Variants in PDE5A observed in about 807,000 individuals in gnomAD.
The protein encoded by PDE5A is phosphodiesterase 5A, also known as cGMP-specific 3',5'-cyclic phosphodiesterase.
PDE5A carries 67 observed loss-of-function variants against 110.2 expected under a neutral mutation model. That is an observed-to-expected ratio of 0.61 (90% CI 0.50 to 0.75). PDE5A has a LOEUF of 0.75. Among genes scored for constraint, PDE5A ranks in the 30% least tolerant of loss-of-function variants. The pLI, the probability that PDE5A is intolerant of heterozygous loss-of-function variation, is 0.00. For synonymous variants in PDE5A, 328 were observed against 351.2 expected (o/e 0.93, Z 0.74); for missense variants, 862 against 1,045.1 (o/e 0.82, Z 2.42).
chr4:119,574,139 C>G (rs1435905686), intron 3 of PDE5A, among the ~76,000 whole-genome samples: 1 of 149,974 alleles, frequency 6.7e-6, no homozygotes, highest in African/African-American at 2.5e-5. Context: ...TACTACTCCC[C>G]ACAGGAAAAA....
At chr4:119,620,519 C>T (rs1209291224) in intron 1 of PDE5A, among the ~76,000 whole-genome samples, 3 of 152,144 alleles carry the variant, frequency 2.0e-5, no homozygotes, top group African/African-American at 7.2e-5. Flanking sequence ...AATCTATGCA[C>T]TAAACATGTA....
intron 2 of PDE5A, among the ~76,000 whole-genome samples, chr4:119,599,712 T>TACACACACAC (rs3056797): frequency 0.014 from 2,098 of 147,298 alleles, 25 homozygotes; most frequent in Middle Eastern, 0.038. Context: ...CAAGTGTGTA[T>TACACACACAC]ACACACACAC....
chr4:119,514,970 A>AT, intron 14 of PDE5A, among the ~76,000 whole-genome samples: 1 of 152,296 alleles, frequency 6.6e-6, no homozygotes, highest in African/African-American at 2.4e-5. Context: ...GAAGCTAGGC[A>AT]TCTGGCTCAA....
At chr4:119,542,842 T>C (rs768642558) in intron 9 of PDE5A, among the ~76,000 whole-genome samples, 4 of 152,096 alleles carry the variant, frequency 2.6e-5, no homozygotes, top group Non-Finnish European at 4.4e-5. Context: ...AAAATGTACA[T>C]TGCTGGCGTT....
Position 119,628,774 on chromosome 4 carries a change from T to C in PDE5A, c.-103A>G. 1 of 1,492,732 alleles carries C rather than the reference T, an allele frequency of 6.7e-7. No homozygotes were observed. The highest frequency in any genetic ancestry group is 9.1e-7 in the Non-Finnish European group (1 of 1,103,682). 92.5% of individuals were successfully genotyped at this position (1,492,732 alleles called of 1,614,324 possible). A position where few individuals can be genotyped will look rare whatever the true frequency, so the allele number is the denominator to read the frequency against. ...GACTCGGCCTCGAGACCCTCCCCCTTCGTCCTGCTCCAGTCGGGCCGGCTT... is the reference window on the plus strand; with the variant it reads ...GACTCGGCCTCGAGACCCTCCCCCTCCGTCCTGCTCCAGTCGGGCCGGCTT... On this transcript the variant is annotated 5_prime_UTR_variant, in exon 1 of 21. Coordinates refer to ENST00000354960, the MANE Select transcript of PDE5A (RefSeq NM_001083.4).
rs531700015 is a variant in PDE5A, at chr4:119,507,338, G to A, written c.2189+266C>T. 1.2e-3 allele frequency among the ~76,000 whole-genome samples: 182 copies of A among 151,982 alleles called. 1 individual carries two copies. The highest frequency in any genetic ancestry group is 4.0e-3 in the African/African-American group (167 of 41,522). On this transcript the variant is annotated intron_variant, in intron 16 of 20. Transcript: ENST00000354960. ...TTGGACAACATGGCTTGGAATGACT[G>A]ACCTTGAGATGGCTATTAGATTTGT...
intron 9 of PDE5A, among the ~76,000 whole-genome samples, chr4:119,547,266 T>C (rs1727165341): frequency 6.6e-6 from 1 of 151,940 alleles, no homozygotes. Context: ...ATATCAAGTA[T>C]CTTTTAAAAT....
intron 3 of PDE5A, among the ~76,000 whole-genome samples, chr4:119,592,451 C>T (rs1272170172): frequency 2.1e-5 from 1 of 48,158 alleles, no homozygotes; most frequent in Non-Finnish European, 3.9e-5. Context: ...GAGCGAGACT[C>T]TGTTTAAAAA....
chr4:119,624,360 C>T (rs1001943987), intron 1 of PDE5A, among the ~76,000 whole-genome samples: 12 of 151,542 alleles, frequency 7.9e-5, no homozygotes, highest in Non-Finnish European at 1.6e-4. Context: ...TTGTAAATAC[C>T]GTGCAATAAA....
chr4:119,574,384 T>A (rs569309963), intron 3 of PDE5A, among the ~76,000 whole-genome samples: 2 of 151,862 alleles, frequency 1.3e-5, no homozygotes, highest in East Asian at 3.9e-4. Flanking sequence ...GGTTTCACCA[T>A]GTTGGTTAGG....
rs1424972769 is a variant in PDE5A at position 119,496,692 on chromosome 4, C to T, written c.*1909G>A. ...CTATTCTTTATGCAATTTTTCTATA[C>T]TAAGGATTTATGTATGCATGCATAA... On this transcript the variant is annotated 3_prime_UTR_variant, in exon 21 of 21. Coordinates refer to ENST00000354960, the MANE Select transcript of PDE5A (RefSeq NM_001083.4). The T allele has an allele frequency of 6.6e-6, 1 of 152,424 alleles. No homozygotes were observed. Among genetic ancestry groups the T allele is most frequent in the Non-Finnish European group, 1.5e-5 (1 of 67,976 alleles). 9.4% of individuals were successfully genotyped at this position (152,424 alleles called of 1,614,324 possible).
At chr4:119,498,872 G>T in intron 20 of PDE5A, 134 bp from the exon 21 acceptor site, 1 of 813,378 alleles carries the variant, frequency 1.2e-6, no homozygotes, top group Non-Finnish European at 2.0e-6. Context: ...CACAAGCTTT[G>T]TGAGCACATA....
chr4:119,501,727 C>CA (rs762171542), intron 19 of PDE5A, among the ~76,000 whole-genome samples: 1 of 151,794 alleles, frequency 6.6e-6, no homozygotes, highest in African/African-American at 2.4e-5. Flanking sequence ...AAACTCATTC[C>CA]AAAAAACAGA....
intron 1 of PDE5A, among the ~76,000 whole-genome samples, chr4:119,611,349 A>G (rs1410150651): frequency 6.6e-6 from 1 of 152,254 alleles, no homozygotes; most frequent in Non-Finnish European, 1.5e-5. Context: ...CACATACAGT[A>G]GTAGGTCCTC....
At chr4:119,529,825 A>G (rs945899993) in intron 11 of PDE5A, among the ~76,000 whole-genome samples, 7 of 152,130 alleles carry the variant, frequency 4.6e-5, no homozygotes, top group African/African-American at 7.2e-5. Flanking sequence ...CAGACTCTCA[A>G]AAGTTTGAAT....
At chr4:119,617,654 C>G (rs1729987624) in intron 1 of PDE5A, among the ~76,000 whole-genome samples, 2 of 152,066 alleles carry the variant, frequency 1.3e-5, no homozygotes, top group Admixed American at 1.3e-4. Context: ...CATAATAACC[C>G]TCACGAGTTA....
At chr4:119,605,851 C>T (rs1416832838) in intron 2 of PDE5A, among the ~76,000 whole-genome samples, 1 of 152,174 alleles carries the variant, frequency 6.6e-6, no homozygotes, top group African/African-American at 2.4e-5. Context: ...AATAAAACAG[C>T]TATGACTCTC....
intron 9 of PDE5A, chr4:119,549,866 C>T (rs940267027): frequency 6.6e-6 from 1 of 152,114 alleles, no homozygotes; most frequent in African/African-American, 2.4e-5. Context: ...CAGCAGGCCC[C>T]ATACTGGTCT....
At chr4:119,593,306 G>T (rs1211420013) in intron 3 of PDE5A, among the ~76,000 whole-genome samples, 1 of 152,152 alleles carries the variant, frequency 6.6e-6, no homozygotes, top group East Asian at 1.9e-4. Context: ...TTTTGTAATA[G>T]ACACAAACTG....
Sources: allele counts gnomAD v4.1 joint callset (sites outside exome capture counted in the v4.1 genomes callset), GRCh38; gene constraint gnomAD v4.1.1; transcripts MANE v1.5; gene names NCBI Gene and HGNC (gene_info 2026-07-23, HGNC 2026-07-21).